Variants in TOLLIP observed in about 807,000 individuals in gnomAD.
TOLLIP encodes the protein toll-interacting protein.
TOLLIP carries 16 observed loss-of-function variants against 33.5 expected under a neutral mutation model. The observed-to-expected ratio is 0.48, with a 90% CI of 0.32 to 0.72. The LOEUF (loss-of-function observed/expected upper bound fraction) is 0.72, where lower values mean the gene tolerates loss of function less well. Among genes scored for constraint, TOLLIP ranks in the 30% least tolerant of loss-of-function variants. TOLLIP has a pLI of 0.03. For missense variants in TOLLIP, 325 were observed against 396.6 expected (o/e 0.82, Z 1.53); for synonymous variants, 176 against 163.7 (o/e 1.07, Z -0.57).
chr11:1,295,826 G>T (rs1864097411), intron 1 of TOLLIP, 32 bp from the exon 2 acceptor site: 2 of 1,526,098 alleles, frequency 1.3e-6, no homozygotes, highest in African/African-American at 2.7e-5. Flanking sequence ...AGGCCAGTGA[G>T]TCAGGGTGGG....
chr11:1,302,883 T>C (rs755406670), intron 1 of TOLLIP: 3 of 765,574 alleles, frequency 3.9e-6, no homozygotes, highest in Non-Finnish European at 4.8e-6. Flanking sequence ...TGAGCACTCA[T>C]TCGCCGTGCC....
chr11:1,290,246 T>C lies in TOLLIP; in HGVS notation c.347A>G (p.Tyr116Cys). 1 of 1,613,294 alleles carries C rather than the reference T, an allele frequency of 6.2e-7. No homozygotes were observed. The highest frequency in any genetic ancestry group is 8.5e-7 in the Non-Finnish European group (1 of 1,179,904). ...CTVPPGVDSF[Y>C]LEIFDERAFS... ...TCTCACCTCATCGAAGATCTCGAGA[T>C]AGAAAGAGTCCACGCCTGGGGGCAC... The change falls in exon 3 of 6, where the codon TAT becomes TGT. Residue 116 changes from tyrosine to cysteine, a missense_variant. Tyr to Cys is a radical substitution (Grantham distance 194). Coordinates refer to ENST00000317204, the MANE Select transcript of TOLLIP (RefSeq NM_019009.4). This position sits in a 1 kb window ranked among gnomAD's most constrained non-coding sequence, Gnocchi z 4.9.
In TOLLIP at chr11:1,276,824, G is replaced by A. The variant is rs751025957; in HGVS notation, c.*215C>T. 4.6e-6 allele frequency: 7 copies of A among 1,530,124 alleles called. No individual in the cohort carries two copies. Among genetic ancestry groups the A allele is most frequent in the South Asian group, 2.4e-5 (2 of 83,228 alleles). The allele number at this position is 1,530,124 out of a possible 1,614,324, so 94.8% of individuals were successfully genotyped here. On this transcript the variant is annotated 3_prime_UTR_variant, in exon 6 of 6. Transcript: ENST00000317204. ...AGAGCGCGCTGAGACCTCCCAGCAC[G>A]AGATGGGAGGGGAGCCCCCGCCCCG... is the stretch of plus-strand genomic sequence containing the variant.
chr11:1,288,771 G>A lies in TOLLIP; in HGVS notation c.372C>T (p.Ala124=), dbSNP rs911607330. The change falls in exon 4 of 6, where the codon GCC becomes GCT. Residue 124 remains alanine, a synonymous_variant. Transcript: ENST00000317204. ...AGGCAATGCGGTCGTCCATGGAGAA[G>A]GCTCTCTGCGGGAGACAAGAGGGAG... ...SFYLEIFDER[A]FSMDDRIAWT... 2.5e-6 allele frequency: 4 copies of A among 1,611,916 alleles called. No individual in the cohort carries two copies. The highest frequency in any genetic ancestry group is 2.5e-6 in the Non-Finnish European group (3 of 1,179,338).
chr11:1,284,759 C>T (rs1863631199), intron 5 of TOLLIP, among the ~76,000 whole-genome samples: 1 of 152,212 alleles, frequency 6.6e-6, no homozygotes, highest in Non-Finnish European at 1.5e-5. Context: ...GGCGGCTTCA[C>T]ATGGAAACAG....
At chr11:1,285,579 A>C (rs929314335) in intron 5 of TOLLIP, among the ~76,000 whole-genome samples, 6 of 152,182 alleles carry the variant, frequency 3.9e-5, no homozygotes, top group Non-Finnish European at 8.8e-5. Flanking sequence ...CGTGAGGTTC[A>C]GACACAACGG....
At chr11:1,281,214 T>G (rs1204747305) in intron 5 of TOLLIP, among the ~76,000 whole-genome samples, 1 of 152,264 alleles carries the variant, frequency 6.6e-6, no homozygotes, top group Non-Finnish European at 1.5e-5. Context: ...AACTGTTCTC[T>G]TCGGGCCATG....
chr11:1,277,198 G>A lies in TOLLIP; in HGVS notation c.666C>T (p.Ala222=), dbSNP rs767987464. 7 of 1,598,584 alleles carry A rather than the reference G, an allele frequency of 4.4e-6. No homozygotes were observed. The highest frequency in any genetic ancestry group is 3.3e-5 in the South Asian group (3 of 90,344). Reference sequence around the variant, plus strand: ...CGCTACAGCGGGGCTGGGCGTTCACGGCGGCCGGGGGCAGGGCCACGGGCA... The same window carrying A: ...CGCTACAGCGGGGCTGGGCGTTCACAGCGGCCGGGGGCAGGGCCACGGGCA... ...GMVPVALPPA[A]VNAQPRCSEE... is the part of the protein sequence containing the mutation. Residue 222 remains alanine (A), a synonymous_variant, in exon 6 of 6, where the codon GCC becomes GCT. Coordinates refer to ENST00000317204, the MANE Select transcript of TOLLIP (RefSeq NM_019009.4). This position sits in a 1 kb window ranked among gnomAD's most constrained non-coding sequence, Gnocchi z 4.2.
chr11:1,278,418 A>G lies in TOLLIP; in HGVS notation c.611-1165T>C, dbSNP rs1386130051. ...TCCTTTCTACACTTGGAGGATCCTA[A>G]AGGCAGCAGAAGCCACTTCAATCCT... On this transcript the variant is annotated intron_variant, in intron 5 of 5. Coordinates refer to ENST00000317204, the MANE Select transcript of TOLLIP (RefSeq NM_019009.4). This position sits in a 1 kb window ranked among gnomAD's most constrained non-coding sequence, Gnocchi z 4.7. Among the ~76,000 whole-genome samples the G allele has an allele frequency of 4.6e-5, 7 of 152,166 alleles. No individual in the cohort carries two copies. The highest frequency in any genetic ancestry group is 1.7e-4 in the African/African-American group (7 of 41,446).
chr11:1,286,505 G>A (rs1193560927), intron 4 of TOLLIP, among the ~76,000 whole-genome samples: 1 of 152,204 alleles, frequency 6.6e-6, no homozygotes, highest in Non-Finnish European at 1.5e-5. Flanking sequence ...ACTGTCCACT[G>A]TGGATAAGTC....
At position 1,290,250 on chromosome 11, in the gene TOLLIP, AAG is replaced by A; in HGVS notation, c.341_342del (p.Ser114PhefsTer8). ...ACCTCATCGAAGATCTCGAGATAGA[AAG>A]AGTCCACGCCTGGGGGCACCGTGCA... is the stretch of plus-strand genomic sequence containing the variant. ...IHCTVPPGVD[S>X]FYLEIFDERA... On this transcript the variant is annotated frameshift_variant, in exon 3 of 6. Coordinates refer to ENST00000317204, the MANE Select transcript of TOLLIP (RefSeq NM_019009.4). LOFTEE classifies it high-confidence loss of function. This position sits in a 1 kb window ranked among gnomAD's most constrained non-coding sequence, Gnocchi z 4.9. The A allele has an allele frequency of 6.2e-7, 1 of 1,613,350 alleles. No individual in the cohort carries two copies. The highest frequency in any genetic ancestry group is 8.5e-7 in the Non-Finnish European group (1 of 1,179,922).
At position 1,290,100 on chromosome 11, in the gene TOLLIP, T is replaced by C. The variant is rs936409573; in HGVS notation, c.366+127A>G. 2.0e-4 allele frequency: 178 copies of C among 877,336 alleles called. No homozygotes were observed. The highest frequency in any genetic ancestry group is 4.2e-4 in the East Asian group (16 of 37,674). 54.3% of individuals were successfully genotyped at this position (877,336 alleles called of 1,614,324 possible). On this transcript the variant is annotated intron_variant, in intron 3 of 5. Coordinates refer to ENST00000317204, the MANE Select transcript of TOLLIP (RefSeq NM_019009.4). This position sits in a 1 kb window ranked among gnomAD's most constrained non-coding sequence, Gnocchi z 4.9. ...GAGCAGGACCCTGTCATGCACCCAATGAAACACCAGGTGGGGAGCCACGCC... is the reference window on the plus strand; with the variant it reads ...GAGCAGGACCCTGTCATGCACCCAACGAAACACCAGGTGGGGAGCCACGCC...
rs5744015 is a variant in TOLLIP, at chr11:1,277,200, C to T, written c.664G>A (p.Ala222Thr). Residue 222 changes from alanine to threonine, a missense_variant, in exon 6 of 6, where the codon GCC becomes ACC. Transcript: ENST00000317204. The surrounding 1 kb of genome is among the most constrained non-coding windows in gnomAD (Gnocchi z 4.2). ...GMVPVALPPA[A>T]VNAQPRCSEE... is the part of the protein sequence containing the mutation. ...CTACAGCGGGGCTGGGCGTTCACGG[C>T]GGCCGGGGGCAGGGCCACGGGCACC... The T allele has an allele frequency of 2.1e-5, 33 of 1,597,318 alleles. No homozygotes were observed. The highest frequency in any genetic ancestry group is 4.5e-5 in the East Asian group (2 of 44,446).
rs1383441059 is a variant in TOLLIP, at chr11:1,288,651, G to A, written c.492C>T (p.Gly164=). Residue 164 remains glycine, a synonymous_variant, in exon 4 of 6, where the codon GGC becomes GGT. Coordinates refer to ENST00000317204, the MANE Select transcript of TOLLIP (RefSeq NM_019009.4). ...LSGRQGDDKE[G]MINLVMSYAL... is the part of the protein sequence containing the mutation. Reference sequence around the variant, plus strand: ...CGTAGGACATGACGAGGTTGATCATGCCCTCCTTGTCGTCCCCCTGCCTCC... The same window carrying A: ...CGTAGGACATGACGAGGTTGATCATACCCTCCTTGTCGTCCCCCTGCCTCC... 2 of 1,612,572 alleles carry A rather than the reference G, an allele frequency of 1.2e-6. No individual in the cohort carries two copies. Among genetic ancestry groups the A allele is most frequent in the African/African-American group, 1.3e-5 (1 of 74,936 alleles).
chr11:1,280,367 G>A (rs1423223219), intron 5 of TOLLIP, among the ~76,000 whole-genome samples: 4 of 152,166 alleles, frequency 2.6e-5, no homozygotes, highest in Non-Finnish European at 4.4e-5. Flanking sequence ...TCCCAGCAGC[G>A]GCGTCCACCT....
At position 1,288,780 on chromosome 11, in the gene TOLLIP, C is replaced by G. The variant is rs531827605; in HGVS notation, c.367-4G>C. On this transcript the variant is annotated splice_region_variant and splice_polypyrimidine_tract_variant and intron_variant, in intron 3 of 5. Transcript: ENST00000317204. Reference sequence around the variant, plus strand: ...GGTCGTCCATGGAGAAGGCTCTCTGCGGGAGACAAGAGGGAGAGGCCCCAG... The same window carrying G: ...GGTCGTCCATGGAGAAGGCTCTCTGGGGGAGACAAGAGGGAGAGGCCCCAG... 1.9e-6 allele frequency: 3 copies of G among 1,610,566 alleles called. No individual in the cohort carries two copies. The African/African-American group carries it at 4.0e-5, about 21-fold the overall frequency.
Position 1,295,643 on chromosome 11 carries a change from A to T in TOLLIP, c.183+2T>A. On this transcript the variant is annotated splice_donor_variant, in intron 2 of 5. Transcript: ENST00000317204. LOFTEE classifies it high-confidence loss of function. ...CAGGCAGGAGGGTGCCCCAAGGCCC[A>T]CCTGTACCACCGTGATGTTCAGTCG... The T allele has an allele frequency of 6.4e-7, 1 of 1,555,128 alleles. No individual in the cohort carries two copies. Among genetic ancestry groups the T allele is most frequent in the Non-Finnish European group, 8.8e-7 (1 of 1,140,958 alleles).
rs553779754 is a variant in TOLLIP at position 1,304,546 on chromosome 11, G to A, written c.33+4920C>T. Among the ~76,000 whole-genome samples the A allele has an allele frequency of 7.9e-5, 12 of 152,346 alleles. No homozygotes were observed. The East Asian group carries it at 9.6e-4, about 12-fold the overall frequency. On this transcript the variant is annotated intron_variant, in intron 1 of 5. Coordinates refer to ENST00000317204, the MANE Select transcript of TOLLIP (RefSeq NM_019009.4). ...GGCACAGCAGCACCCGCGCCAGGAC[G>A]GGGCGGCCGAGGTCTCCGCGTGGAT...
intron 4 of TOLLIP, among the ~76,000 whole-genome samples, chr11:1,287,433 C>G (rs1223548399): frequency 9.0e-6 from 1 of 110,634 alleles, no homozygotes; most frequent in African/African-American, 3.3e-5. Context: ...CCCTCCCCGC[C>G]GCAGCCTCCC....
Sources: allele counts gnomAD v4.1 joint callset (sites outside exome capture counted in the v4.1 genomes callset), GRCh38; gene constraint gnomAD v4.1.1; non-coding constraint Gnocchi (gnomAD v3.1); transcripts MANE v1.5; gene names NCBI Gene and HGNC (gene_info 2026-07-23, HGNC 2026-07-21).